CDK13: variants seen among roughly 807,000 people sequenced by gnomAD.
CDK13 encodes cyclin-dependent kinase 13.
In CDK13, 40 loss-of-function variants were observed where a neutral mutation model predicts 137.6. The ratio of observed to expected loss-of-function variants is 0.29; its 90% CI spans 0.23 to 0.38. The LOEUF (loss-of-function observed/expected upper bound fraction) is 0.38, where lower values mean the gene tolerates loss of function less well. Among genes scored for constraint, CDK13 ranks in the 10% least tolerant of loss-of-function variants. The pLI, the probability that CDK13 is intolerant of heterozygous loss-of-function variation, is 1.00. For synonymous variants in CDK13, 869 were observed against 760.1 expected, an observed-to-expected ratio of 1.14 and a Z score of -2.36; for missense variants, 1,704 against 1,951.8, an observed-to-expected ratio of 0.87 and a Z score of 2.39.
chr7:40,069,393 A>C, intron 9 of CDK13: 2 of 441,026 alleles, frequency 4.5e-6, no homozygotes, highest in South Asian at 3.2e-5. Flanking sequence ...GGCCTTTAGA[A>C]TCTTACAGGG....
At position 40,094,659 on chromosome 7, in the gene CDK13, A is replaced by T. The variant is rs779332364; in HGVS notation, c.4218A>T (p.Gly1406=). The T allele has an allele frequency of 6.2e-7, 1 of 1,614,166 alleles. No homozygotes were observed. The highest frequency in any genetic ancestry group is 2.2e-5 in the East Asian group (1 of 44,890). ...AGTCATTTCCCAGTTCAGTAGCTGGATATGGAGACATTTACCTCAATGCTG... is the reference window on the plus strand; with the variant it reads ...AGTCATTTCCCAGTTCAGTAGCTGGTTATGGAGACATTTACCTCAATGCTG... ...FSESFPSSVA[G]YGDIYLNAGP... is the part of the protein sequence containing the mutation. The change falls in exon 14 of 14, where the codon GGA becomes GGT. Residue 1406 remains glycine (G), a synonymous_variant. Transcript: ENST00000181839.
rs750493486 is a variant in CDK13 at position 40,094,445 on chromosome 7, A to C, written c.4004A>C (p.Tyr1335Ser). 5.6e-6 allele frequency: 9 copies of C among 1,613,884 alleles called. No individual in the cohort carries two copies. Among genetic ancestry groups the C allele is most frequent in the Non-Finnish European group, 7.6e-6 (9 of 1,180,032 alleles). The change falls in exon 14 of 14, where the codon TAC (tyrosine) becomes TCC (serine). Residue 1335 changes from tyrosine to serine, a missense_variant. Physicochemically the swap from Tyr to Ser is moderately radical, Grantham distance 144 (BLOSUM62 -2). Around this residue, in one of 5 missense-constraint regions of CDK13, gnomAD observed 475 missense variants for 579.3 expected, o/e 0.82. Transcript: ENST00000181839. Reference protein sequence around the residue: ...AGDTYVSTSDYKDNFGSSSFS... With the variant: ...AGDTYVSTSDSKDNFGSSSFS... Reference sequence around the variant, plus strand: ...GACACTTACGTGTCCACTTCAGACTACAAGGACAACTTTGGATCCTCTTCT... The same window carrying C: ...GACACTTACGTGTCCACTTCAGACTCCAAGGACAACTTTGGATCCTCTTCT...
At chr7:40,001,725 T>C (rs1233025032) in intron 4 of CDK13, 136 bp from the exon 5 acceptor site, 2 of 691,162 alleles carry the variant, frequency 2.9e-6, no homozygotes, top group Non-Finnish European at 5.2e-6. Flanking sequence ...ATTTGGTATA[T>C]TGGAAACTGA....
At chr7:39,999,598 A>G in intron 4 of CDK13, 98 bp downstream of exon 4, 1 of 1,196,294 alleles carries the variant, frequency 8.4e-7, no homozygotes, top group Non-Finnish European at 1.2e-6. Context: ...CCAAAAAATT[A>G]AATTCAATTT....
At chr7:40,047,278 T>A (rs1317546486) in intron 6 of CDK13, among the ~76,000 whole-genome samples, 1 of 152,140 alleles carries the variant, frequency 6.6e-6, no homozygotes, top group Non-Finnish European at 1.5e-5. Context: ...ATTTGTAACA[T>A]CTTATATTTG....
chr7:40,087,137 C>T (rs1476825593), intron 11 of CDK13, among the ~76,000 whole-genome samples: 4 of 151,936 alleles, frequency 2.6e-5, no homozygotes, highest in Admixed American at 2.6e-4. Flanking sequence ...CTGGTTTCTG[C>T]AAATGGCATG....
intron 6 of CDK13, among the ~76,000 whole-genome samples, chr7:40,046,723 C>A (rs1198939875): frequency 1.3e-5 from 2 of 151,698 alleles, no homozygotes; most frequent in African/African-American, 4.8e-5. Flanking sequence ...CTGTTAGTGG[C>A]CGGGTGGGGC....
intron 9 of CDK13, among the ~76,000 whole-genome samples, chr7:40,075,647 A>G (rs1251534749): frequency 6.6e-6 from 1 of 152,180 alleles, no homozygotes; most frequent in African/African-American, 2.4e-5. Context: ...GACCGATGTC[A>G]GACAAGAGTC....
chr7:40,057,427 AAAG>A, intron 7 of CDK13, among the ~76,000 whole-genome samples: 1 of 152,316 alleles, frequency 6.6e-6, no homozygotes, highest in Middle Eastern at 3.4e-3. Flanking sequence ...AGAGGTGAGA[AAAG>A]AGGAGGGAGG....
chr7:40,014,697 C>G (rs1437322821), intron 5 of CDK13, among the ~76,000 whole-genome samples: 2 of 152,094 alleles, frequency 1.3e-5, no homozygotes, highest in African/African-American at 4.8e-5. Context: ...CTCAAGTGAT[C>G]CACCTGCCTT....
intron 1 of CDK13, 121 bp from the exon 2 acceptor site, chr7:39,987,478 T>C (rs1044895269): frequency 1.1e-6 from 1 of 876,332 alleles, no homozygotes; most frequent in South Asian, 2.6e-5. Context: ...ACTTCAAAAA[T>C]GTAACTTTGA....
chr7:40,069,530 A>G (rs1428304651), intron 9 of CDK13: 2 of 304,500 alleles, frequency 6.6e-6, no homozygotes, highest in African/African-American at 4.3e-5. Context: ...AATTAAATGT[A>G]AATAAGTTTT....
Position 40,094,210 on chromosome 7 carries a change from C to T in CDK13, c.3769C>T (p.Pro1257Ser). The T allele has an allele frequency of 6.2e-7, 1 of 1,613,906 alleles. No homozygotes were observed. Among genetic ancestry groups the T allele is most frequent in the Non-Finnish European group, 8.5e-7 (1 of 1,179,976 alleles). ...ACCAGACCGGCCTCGAATTCTGCCTCCTGACCAACGACCTCCCGAGCCTCC... is the reference window on the plus strand; with the variant it reads ...ACCAGACCGGCCTCGAATTCTGCCTTCTGACCAACGACCTCCCGAGCCTCC... ...PEPDRPRILPPDQRPPEPPEP... is the reference protein window; with the variant it reads ...PEPDRPRILPSDQRPPEPPEP... Residue 1257 changes from proline to serine, a missense_variant, in exon 14 of 14, where the codon CCT becomes TCT. By Grantham distance (74) the Pro-to-Ser change is moderately conservative. This residue lies in a region of CDK13 where 475 missense variants were observed against 579.3 expected (regional missense o/e 0.82). Transcript: ENST00000181839.
rs986534798 is a variant in CDK13, at chr7:40,048,746, ACT to A, written c.2600+873_2600+874del. 4.6e-5 allele frequency: 7 copies of A among 150,804 alleles called. No individual in the cohort carries two copies. In the East Asian group the frequency reaches 5.8e-4, roughly 12 times the overall value. 9.3% of individuals were successfully genotyped at this position (150,804 alleles called of 1,614,324 possible). A position where few individuals can be genotyped will look rare whatever the true frequency, so the allele number is the denominator to read the frequency against. ...TTTTTGGTTAAAGCAATAAACAAAA[ACT>A]CTCGTTTGAATTTTTCAGAGTAAAA... On this transcript the variant is annotated intron_variant, in intron 7 of 13. Transcript: ENST00000181839.
At chr7:39,963,616 T>C (rs1365040078) in intron 1 of CDK13, among the ~76,000 whole-genome samples, 1 of 152,198 alleles carries the variant, frequency 6.6e-6, no homozygotes, top group Non-Finnish European at 1.5e-5. Context: ...TACCCTTTAT[T>C]TCCTTCTCCT....
In CDK13 at chr7:40,011,857, C is replaced by T. The variant is rs140659956; in HGVS notation, c.2353+9826C>T. Among the ~76,000 whole-genome samples the T allele has an allele frequency of 3.9e-3, 592 of 152,116 alleles. 1 individual carries two copies. The highest frequency in any genetic ancestry group is 0.013 in the African/African-American group (520 of 41,498). On this transcript the variant is annotated intron_variant, in intron 5 of 13. Coordinates refer to ENST00000181839, the MANE Select transcript of CDK13 (RefSeq NM_003718.5). Reference sequence around the variant, plus strand: ...CAGCATGAGAAGACAACACTTAGAACGGGGAAGATATTTGTATATTGTATA... The same window carrying T: ...CAGCATGAGAAGACAACACTTAGAATGGGGAAGATATTTGTATATTGTATA...
intron 1 of CDK13, among the ~76,000 whole-genome samples, chr7:39,981,459 A>G (rs1047730301): frequency 4.6e-5 from 7 of 152,084 alleles, no homozygotes; most frequent in Non-Finnish European, 1.0e-4. Flanking sequence ...TTATCATGCC[A>G]TAATTCATTA....
intron 11 of CDK13, among the ~76,000 whole-genome samples, chr7:40,083,579 TA>T (rs1786718539): frequency 1.3e-5 from 2 of 152,224 alleles, no homozygotes; most frequent in Non-Finnish European, 2.9e-5. Flanking sequence ...AACTTGGAAC[TA>T]TAGGTTTATC....
chr7:40,047,685 G>T, intron 6 of CDK13, 136 bp from the exon 7 acceptor site: 1 of 572,562 alleles, frequency 1.7e-6, no homozygotes. Context: ...TTACCTTGAT[G>T]ATATTGCAGT....
Sources: gnomAD v4.1 joint callset for allele counts (sites outside exome capture counted in the v4.1 genomes callset) on GRCh38, gnomAD v4.1.1 for gene constraint, gnomAD v4.1.1 regional missense constraint, MANE v1.5 for transcripts, NCBI Gene and HGNC (gene_info 2026-07-23, HGNC 2026-07-21) for gene names.